UPF3A: variants seen among roughly 807,000 people sequenced by gnomAD.
UPF3A encodes the protein UPF3A regulator of nonsense mediated mRNA decay, also known as regulator of nonsense transcripts 3A.
In UPF3A, 42 loss-of-function variants were observed where a neutral mutation model predicts 53.5. The ratio of observed to expected loss-of-function variants is 0.78; its 90% confidence interval spans 0.61 to 1.01. The LOEUF (loss-of-function observed/expected upper bound fraction) is 1.01. Among genes scored for constraint, UPF3A ranks in the 50% least tolerant of loss-of-function variants. The pLI is 0.00. For synonymous variants in UPF3A, 237 were observed against 225.3 expected, an observed-to-expected ratio of 1.05 and a Z score of -0.47; for missense variants, 575 against 598.0, an observed-to-expected ratio of 0.96 and a Z score of 0.40.
At chr13:114,285,703 C>T (rs147138002) in intron 3 of UPF3A, 2 of 152,408 alleles carry the variant, frequency 1.3e-5, no homozygotes, top group African/African-American at 4.8e-5. Flanking sequence ...CTTCCATTCT[C>T]TACTTTTATC....
At chr13:114,295,293 C>T (rs11616710) in intron 7 of UPF3A, among the ~76,000 whole-genome samples, 9,292 of 111,682 alleles carry the variant, frequency 0.083, 512 homozygotes, top group Middle Eastern at 0.16. Context: ...CCTTGCAGGG[C>T]GTGGCAGAGC....
intron 7 of UPF3A, among the ~76,000 whole-genome samples, chr13:114,294,506 C>T (rs1184707884): frequency 2.6e-5 from 4 of 152,186 alleles, no homozygotes; most frequent in Admixed American, 6.5e-5. Context: ...TGAAGTGATC[C>T]TCCCACTGCT....
At chr13:114,282,970 AT>A in intron 3 of UPF3A, 27 bp downstream of exon 3, 1 of 1,476,730 alleles carries the variant, frequency 6.8e-7, no homozygotes, top group Non-Finnish European at 9.4e-7. Flanking sequence ...TTAAAAATCT[AT>A]TATAATCTGT....
rs553619883 is a variant in UPF3A at position 114,285,397 on chromosome 13, T to G, written c.422-905T>G. ...AGTATCCACTGTGTGCTAGGCCTTG[T>G]GGGTGGAGCGGTGACTTGGACATCG... On this transcript the variant is annotated intron_variant, in intron 3 of 9. Transcript: ENST00000375299. 7 of 152,448 alleles carry G rather than the reference T, an allele frequency of 4.6e-5. 1 individual carries two copies. Among genetic ancestry groups the G allele is most frequent in the African/African-American group, 1.4e-4 (6 of 41,578 alleles). 9.4% of individuals were successfully genotyped at this position (152,448 alleles called of 1,614,324 possible). A position where few individuals can be genotyped will look rare whatever the true frequency, so the allele number is the denominator to read the frequency against.
intron 5 of UPF3A, among the ~76,000 whole-genome samples, chr13:114,290,814 ACCTCCT>A (rs1002657341): frequency 4.0e-5 from 6 of 148,860 alleles, no homozygotes; most frequent in Non-Finnish European, 8.9e-5. Flanking sequence ...GCTCACTGCA[ACCTCCT>A]CCTCCCGTGT....
chr13:114,284,180 C>T (rs1026196621), intron 3 of UPF3A: 4 of 514,512 alleles, frequency 7.8e-6, no homozygotes, highest in Admixed American at 6.4e-5. Flanking sequence ...TGAGCAACAA[C>T]GTGAAACCCT....
chr13:114,292,443 C>T (rs980449225), intron 7 of UPF3A, among the ~76,000 whole-genome samples: 3 of 146,846 alleles, frequency 2.0e-5, no homozygotes, highest in East Asian at 2.0e-4. Flanking sequence ...CGGTTCAAGG[C>T]GTACACGTGC....
chr13:114,282,841 T>C lies in UPF3A; in HGVS notation c.319T>C (p.Tyr107His), dbSNP rs760603672. ...CACTGTTATCTCTTATTTCAGTCTT[T>C]ATCCTCATCTCTACTCAAGAGCATA... ...FEFFAADLSL[Y>H]PHLYSRAYIN... Residue 107 changes from tyrosine to histidine, a missense_variant, in exon 3 of 10, where the codon TAT (tyrosine) becomes CAT (histidine). By Grantham distance (83) the Tyr-to-His change is moderately conservative (BLOSUM62 2). Transcript: ENST00000375299. The C allele has an allele frequency of 1.9e-6, 3 of 1,604,166 alleles. No homozygotes were observed. The highest frequency in any genetic ancestry group is 1.7e-5 in the Admixed American group (1 of 58,960).
At chr13:114,287,715 A>G (rs1296850595) in intron 5 of UPF3A, 2 of 152,182 alleles carry the variant, frequency 1.3e-5, no homozygotes, top group African/African-American at 2.4e-5. Flanking sequence ...TTTCATCTTC[A>G]TGGTTGTAGA....
rs183872398 is a variant in UPF3A, at chr13:114,299,773, T to G, written c.1007+773T>G. On this transcript the variant is annotated intron_variant, in intron 8 of 9. Coordinates refer to ENST00000375299, the MANE Select transcript of UPF3A (RefSeq NM_023011.4). ...GGCTTACCTTCCCCTCCGGGACTCC[T>G]GCCCACTCACTGCCTCTCGCCACCC... Among the ~76,000 whole-genome samples, 48 of 152,320 alleles carry G rather than the reference T, an allele frequency of 3.2e-4. No individual in the cohort carries two copies. The East Asian group carries it at 8.5e-3, about 27-fold the overall frequency.
chr13:114,301,092 C>T (rs186902210), intron 8 of UPF3A, among the ~76,000 whole-genome samples: 179 of 151,806 alleles, frequency 1.2e-3, no homozygotes, highest in African/African-American at 4.1e-3. Context: ...GATTTACAGG[C>T]GTGAGACACC....
At chr13:114,282,974 T>C (rs1267288874) in intron 3 of UPF3A, 31 bp downstream of exon 3, 10 of 1,451,522 alleles carry the variant, frequency 6.9e-6, no homozygotes, top group Non-Finnish European at 8.6e-6. Flanking sequence ...AAATCTATTA[T>C]AATCTGTAGG....
intron 2 of UPF3A, 138 bp from the exon 3 acceptor site, chr13:114,282,699 T>C: frequency 6.7e-7 from 1 of 1,482,226 alleles, no homozygotes; most frequent in Non-Finnish European, 8.9e-7. Context: ...ATATCCAAGT[T>C]GTTACAATTA....
At chr13:114,297,494 A>C (rs955420401) in intron 7 of UPF3A, among the ~76,000 whole-genome samples, 1 of 152,186 alleles carries the variant, frequency 6.6e-6, no homozygotes, top group East Asian at 1.9e-4. Context: ...ACTAGACCCT[A>C]TAGATGAAAG....
intron 8 of UPF3A, among the ~76,000 whole-genome samples, chr13:114,301,181 G>A (rs2139360341): frequency 6.6e-6 from 1 of 151,864 alleles, no homozygotes; most frequent in East Asian, 2.0e-4. Context: ...CCTTAGCATG[G>A]CCAGGCACGG....
intron 7 of UPF3A, among the ~76,000 whole-genome samples, chr13:114,298,027 A>G (rs548194601): frequency 2.0e-5 from 3 of 151,672 alleles, no homozygotes; most frequent in East Asian, 3.9e-4. Flanking sequence ...AATAATCACT[A>G]TTAATACAGT....
At chr13:114,295,479 C>G (rs1398723092) in intron 7 of UPF3A, among the ~76,000 whole-genome samples, 1 of 152,110 alleles carries the variant, frequency 6.6e-6, no homozygotes, top group Non-Finnish European at 1.5e-5. Context: ...CACCTCAGGA[C>G]TCCGCACGTT....
At chr13:114,297,060 C>T (rs904956996) in intron 7 of UPF3A, among the ~76,000 whole-genome samples, 28 of 152,176 alleles carry the variant, frequency 1.8e-4, no homozygotes, top group African/African-American at 6.5e-4. Flanking sequence ...GAAGCGGCTT[C>T]CAATGCTCCA....
rs117024307 is a variant in UPF3A, at chr13:114,298,837, C to A, written c.847-3C>A. Reference sequence around the variant, plus strand: ...ATACTTTACTAACATTGTAATTTCTCAGCTTCTTAAGAAACCAGAAAAGGG... The same window carrying A: ...ATACTTTACTAACATTGTAATTTCTAAGCTTCTTAAGAAACCAGAAAAGGG... On this transcript the variant is annotated splice_polypyrimidine_tract_variant and splice_region_variant and intron_variant, in intron 7 of 9. Transcript: ENST00000375299. The A allele has an allele frequency of 5.0e-4, 784 of 1,553,946 alleles. No homozygotes were observed. Among genetic ancestry groups the A allele is most frequent in the Admixed American group, 9.5e-4 (44 of 46,472 alleles).
Sources: allele counts gnomAD v4.1 joint callset (sites outside exome capture counted in the v4.1 genomes callset), GRCh38; gene constraint gnomAD v4.1.1; transcripts MANE v1.5; gene names NCBI Gene and HGNC (gene_info 2026-07-23, HGNC 2026-07-21).